The following ONECUT3 variants were observed in gnomAD, a reference collection of about 807,000 sequenced individuals.
ONECUT3 encodes one cut domain family member 3.
A neutral mutation model predicts 16.8 loss-of-function variants in ONECUT3; 11 were observed. That is an observed-to-expected ratio of 0.66 (90% CI 0.41 to 1.09). The LOEUF (loss-of-function observed/expected upper bound fraction) is 1.09. Among genes scored for constraint, ONECUT3 ranks in the 50% least tolerant of loss-of-function variants. The pLI, the probability that ONECUT3 is intolerant of heterozygous loss-of-function variation, is 0.00. For synonymous variants in ONECUT3, 344 were observed against 310.7 expected (o/e 1.11, Z -1.13); for missense variants, 637 against 629.9 (o/e 1.01, Z -0.12).
At position 1,754,099 on chromosome 19, in the gene ONECUT3, A is replaced by C; in HGVS notation, c.437A>C (p.His146Pro). The C allele has an allele frequency of 4.0e-6, 4 of 1,011,184 alleles. No individual in the cohort carries two copies. Among genetic ancestry groups the C allele is most frequent in the South Asian group, 4.3e-5 (1 of 23,070 alleles). 62.6% of individuals were successfully genotyped at this position (1,011,184 alleles called of 1,614,324 possible). ...GGCGGCCATCCCCACGCGCACCCGC[A>C]CCCGGCGGCCGCGCCGCCCCCGCCA... ...AHGGHPHAHP[H>P]PAAAPPPPPP... The change falls in exon 1 of 2, where the codon CAC becomes CCC. Residue 146 changes from histidine to proline, a missense_variant. Transcript: ENST00000382349. This position sits in a 1 kb window ranked among gnomAD's most constrained non-coding sequence, Gnocchi z 7.4.
chr19:1,770,536 C>T (rs1568600388), intron 1 of ONECUT3, among the ~76,000 whole-genome samples: 4 of 152,200 alleles, frequency 2.6e-5, no homozygotes, highest in Admixed American at 1.3e-4. Context: ...ATTTGTATTT[C>T]TGTCCCTACT....
Position 1,775,205 on chromosome 19 carries a change from G to A in ONECUT3, c.1245G>A (p.Lys415=), listed in dbSNP as rs1419832116. Reference sequence around the variant, plus strand: ...AGAAGGAGCGCGCCCTGCAGCCCAAGAAGCAGCGCCTGGTGTTCACCGACC... The same window carrying A: ...AGAAGGAGCGCGCCCTGCAGCCCAAAAAGCAGCGCCTGGTGTTCACCGACC... ...EQQKERALQP[K]KQRLVFTDLQ... Residue 415 remains lysine (K), a synonymous_variant, in exon 2 of 2, where the codon AAG becomes AAA. Transcript: ENST00000382349. 1 of 1,496,960 alleles carries A rather than the reference G, an allele frequency of 6.7e-7. No individual in the cohort carries two copies. Among genetic ancestry groups the A allele is most frequent in the Non-Finnish European group, 9.0e-7 (1 of 1,112,340 alleles). 92.7% of individuals were successfully genotyped at this position (1,496,960 alleles called of 1,614,324 possible).
chr19:1,760,058 C>CT (rs1222827986), intron 1 of ONECUT3, among the ~76,000 whole-genome samples: 1 of 152,190 alleles, frequency 6.6e-6, no homozygotes, highest in Non-Finnish European at 1.5e-5. Flanking sequence ...GGAGGGGTCC[C>CT]ACTGGATGCC....
chr19:1,756,618 C>T (rs1386624157), intron 1 of ONECUT3, among the ~76,000 whole-genome samples: 2 of 151,890 alleles, frequency 1.3e-5, no homozygotes, highest in East Asian at 3.9e-4. Flanking sequence ...CAGCCTCTGC[C>T]TCCCAGGTTC....
In ONECUT3 at chr19:1,758,943, A is replaced by C. The variant is rs1045311317; in HGVS notation, c.1192+4089A>C. ...CTGATCAGAAAAAAAATACGTATAT[A>C]GATAATACAAAGTTAGATGGAGGTG... is the stretch of plus-strand genomic sequence containing the variant. On this transcript the variant is annotated intron_variant, in intron 1 of 1. Transcript: ENST00000382349. The surrounding 1 kb of genome is among the most constrained non-coding windows in gnomAD (Gnocchi z 5.9). Among the ~76,000 whole-genome samples, 5 of 152,172 alleles carry C rather than the reference A, an allele frequency of 3.3e-5. No homozygotes were observed. The highest frequency in any genetic ancestry group is 5.9e-5 in the Non-Finnish European group (4 of 68,016).
At chr19:1,769,635 G>A (rs1459019615) in intron 1 of ONECUT3, among the ~76,000 whole-genome samples, 1 of 151,884 alleles carries the variant, frequency 6.6e-6, no homozygotes, top group East Asian at 1.9e-4. Context: ...GGTGGCGGTG[G>A]TGATGGGTAG....
At chr19:1,775,022 C>CGCCT in intron 1 of ONECUT3, 131 bp from the exon 2 acceptor site, 1 of 596,766 alleles carries the variant, frequency 1.7e-6, no homozygotes, top group Admixed American at 3.3e-5. Flanking sequence ...TATGTGCATT[C>CGCCT]GCCTTTCCCC....
In ONECUT3 at chr19:1,753,626, G is replaced by A. The variant is rs1298247239; in HGVS notation, c.-37G>A. ...CAGCGGCCTTGAGCACTAGGGGCCG[G>A]CGCTGAGGAGCGCGCGCGGCGGGAG... On this transcript the variant is annotated 5_prime_UTR_variant, in exon 1 of 2. Coordinates refer to ENST00000382349, the MANE Select transcript of ONECUT3 (RefSeq NM_001080488.2). The A allele has an allele frequency of 1.4e-5, 12 of 878,048 alleles. No homozygotes were observed. The highest frequency in any genetic ancestry group is 1.7e-5 in the Non-Finnish European group (12 of 716,680). The allele number at this position is 878,048 out of a possible 1,614,324, so 54.4% of individuals were successfully genotyped here. A position where few individuals can be genotyped will look rare whatever the true frequency, so the allele number is the denominator to read the frequency against.
chr19:1,756,695 ATTTTTTTTTTTTTT>A (rs58105449), intron 1 of ONECUT3, among the ~76,000 whole-genome samples: 1 of 101,150 alleles, frequency 9.9e-6, no homozygotes, highest in South Asian at 3.4e-4. Context: ...ACGCCTGGCT[ATTTTTTTTTTTTTT>A]TTTTTTTTTT....
Position 1,776,767 on chromosome 19 carries a change from C to G in ONECUT3, c.*1322C>G, listed in dbSNP as rs2068112650. The G allele has an allele frequency of 6.6e-6, 1 of 151,496 alleles. No homozygotes were observed. Among genetic ancestry groups the G allele is most frequent in the African/African-American group, 2.4e-5 (1 of 41,190 alleles). The allele number at this position is 151,496 out of a possible 1,614,324, so 9.4% of individuals were successfully genotyped here. A position where few individuals can be genotyped will look rare whatever the true frequency, so the allele number is the denominator to read the frequency against. ...GAACCTCCTCCCTGAAATCCCCCCA[C>G]TCATCGGCTGCCTCCCAGGGAGGAG... On this transcript the variant is annotated 3_prime_UTR_variant, in exon 2 of 2. Coordinates refer to ENST00000382349, the MANE Select transcript of ONECUT3 (RefSeq NM_001080488.2). This position sits in a 1 kb window ranked among gnomAD's most constrained non-coding sequence, Gnocchi z 4.9.
At position 1,764,711 on chromosome 19, in the gene ONECUT3, G is replaced by A. The variant is rs868534787; in HGVS notation, c.1192+9857G>A. The stretch of plus-strand genomic sequence containing the variant: ...CGAGGGGTGCAGGGTGTAGACAGAG[G>A]GTGTAGGTATGTGACCCGGGCCCCC... On this transcript the variant is annotated intron_variant, in intron 1 of 1. Transcript: ENST00000382349. The surrounding 1 kb of genome is among the most constrained non-coding windows in gnomAD (Gnocchi z 5.0). Among the ~76,000 whole-genome samples the A allele has an allele frequency of 6.6e-6, 1 of 151,996 alleles. No homozygotes were observed. Among genetic ancestry groups the A allele is most frequent in the South Asian group, 2.1e-4 (1 of 4,818 alleles).
chr19:1,763,881 A>C (rs1185789864), intron 1 of ONECUT3, among the ~76,000 whole-genome samples: 1 of 152,022 alleles, frequency 6.6e-6, no homozygotes, highest in East Asian at 1.9e-4. Context: ...TTCCTGAACC[A>C]CTTCCCCGCC....
rs1347565148 is a variant in ONECUT3 at position 1,775,434 on chromosome 19, T to C, written c.1474T>C (p.Ser492Pro). ...CCCCGCCGGCGCCACGGCCACTTTC[T>C]CCAAGGCCTGAGGCGCCCCGGCCCC... is the stretch of plus-strand genomic sequence containing the variant. ...GGPAGATATF[S>P]KA The change falls in exon 2 of 2, where the codon TCC becomes CCC. Residue 492 changes from serine to proline, a missense_variant. By Grantham distance (74) the Ser-to-Pro change is moderately conservative. Coordinates refer to ENST00000382349, the MANE Select transcript of ONECUT3 (RefSeq NM_001080488.2). 2 of 1,518,328 alleles carry C rather than the reference T, an allele frequency of 1.3e-6. No homozygotes were observed. Among genetic ancestry groups the C allele is most frequent in the East Asian group, 5.2e-5 (2 of 38,534 alleles). 94.1% of individuals were successfully genotyped at this position (1,518,328 alleles called of 1,614,324 possible).
At chr19:1,769,963 TC>T (rs1457852661) in intron 1 of ONECUT3, among the ~76,000 whole-genome samples, 1 of 152,102 alleles carries the variant, frequency 6.6e-6, no homozygotes, top group East Asian at 1.9e-4. Flanking sequence ...ACGATATGCA[TC>T]CTACCTCCCT....
rs960405256 is a variant in ONECUT3, at chr19:1,764,353, C to G, written c.1192+9499C>G. Among the ~76,000 whole-genome samples, 1 of 152,150 alleles carries G rather than the reference C, an allele frequency of 6.6e-6. No individual in the cohort carries two copies. Among genetic ancestry groups the G allele is most frequent in the African/African-American group, 2.4e-5 (1 of 41,426 alleles). ...AGAGTCCAAGTGGAAATGCGTTTCC[C>G]GGTTAAGTCTTTGAAGGCTCAGAAC... On this transcript the variant is annotated intron_variant, in intron 1 of 1. Coordinates refer to ENST00000382349, the MANE Select transcript of ONECUT3 (RefSeq NM_001080488.2). This position sits in a 1 kb window ranked among gnomAD's most constrained non-coding sequence, Gnocchi z 5.0.
chr19:1,754,971 C>G lies in ONECUT3; in HGVS notation c.1192+117C>G. The G allele has an allele frequency of 2.4e-6, 3 of 1,231,616 alleles. No homozygotes were observed. The highest frequency in any genetic ancestry group is 3.1e-6 in the Non-Finnish European group (3 of 975,680). 76.3% of individuals were successfully genotyped at this position (1,231,616 alleles called of 1,614,324 possible). A position where few individuals can be genotyped will look rare whatever the true frequency, so the allele number is the denominator to read the frequency against. The stretch of plus-strand genomic sequence containing the variant: ...CGCCCCAAGCCCCGCCCGTGCGCCC[C>G]GGCAGCCCGGGACCCCCTATCAGGA... On this transcript the variant is annotated intron_variant, in intron 1 of 1. Transcript: ENST00000382349. This position sits in a 1 kb window ranked among gnomAD's most constrained non-coding sequence, Gnocchi z 7.4.
Position 1,778,465 on chromosome 19 carries a change from C to T in ONECUT3, c.*3020C>T, listed in dbSNP as rs2068129713. The T allele has an allele frequency of 6.6e-6, 1 of 152,154 alleles. No individual in the cohort carries two copies. The highest frequency in any genetic ancestry group is 1.5e-5 in the Non-Finnish European group (1 of 68,066). 9.4% of individuals were successfully genotyped at this position (152,154 alleles called of 1,614,324 possible). Reference sequence around the variant, plus strand: ...AAGAGAATCACGCTGCAGCCCTGGCCCAGTGAGCTTCTTAGAAAATCGATG... The same window carrying T: ...AAGAGAATCACGCTGCAGCCCTGGCTCAGTGAGCTTCTTAGAAAATCGATG... On this transcript the variant is annotated 3_prime_UTR_variant, in exon 2 of 2. Transcript: ENST00000382349.
At position 1,775,408 on chromosome 19, in the gene ONECUT3, G is replaced by A. The variant is rs1000563746; in HGVS notation, c.1448G>A (p.Gly483Asp). The change falls in exon 2 of 2, where the codon GGC becomes GAC. Residue 483 changes from glycine (G) to aspartate (D), a missense_variant. Physicochemically the swap from Gly to Asp is moderately conservative, Grantham distance 94. Transcript: ENST00000382349. ...WAEEPSTAPG[G>D]PAGATATFSK... is the part of the protein sequence containing the mutation. The stretch of plus-strand genomic sequence containing the variant: ...GAGGAGCCCAGCACGGCCCCCGGGG[G>A]CCCCGCCGGCGCCACGGCCACTTTC... The A allele has an allele frequency of 6.6e-7, 1 of 1,520,468 alleles. No individual in the cohort carries two copies. Among genetic ancestry groups the A allele is most frequent in the Non-Finnish European group, 8.8e-7 (1 of 1,136,738 alleles). 94.2% of individuals were successfully genotyped at this position (1,520,468 alleles called of 1,614,324 possible). A position where few individuals can be genotyped will look rare whatever the true frequency, so the allele number is the denominator to read the frequency against.
chr19:1,763,700 C>G (rs529813266), intron 1 of ONECUT3, among the ~76,000 whole-genome samples: 1 of 151,616 alleles, frequency 6.6e-6, no homozygotes, highest in Non-Finnish European at 1.5e-5. Flanking sequence ...AGGCTGCGCT[C>G]CAGGGATAAA....
Sources: gnomAD v4.1 joint callset for allele counts (sites outside exome capture counted in the v4.1 genomes callset) on GRCh38, gnomAD v4.1.1 for gene constraint, Gnocchi (gnomAD v3.1) non-coding constraint, MANE v1.5 for transcripts, NCBI Gene and HGNC (gene_info 2026-07-23, HGNC 2026-07-21) for gene names.